SNX31: variants seen among roughly 807,000 people sequenced by gnomAD.
The protein encoded by SNX31 is sorting nexin-31.
A neutral mutation model predicts 65.4 loss-of-function variants in SNX31; 58 were observed. The observed-to-expected ratio is 0.89, with a 90% confidence interval of 0.72 to 1.10. The LOEUF is 1.10. SNX31 is among the 50% of genes least tolerant of loss of function. The pLI is 0.00. For missense variants in SNX31, 523 were observed against 529.7 expected (o/e 0.99, Z 0.12); for synonymous variants, 181 against 190.1 (o/e 0.95, Z 0.39).
chr8:100,646,205 A>T (rs1041622545), intron 2 of SNX31, among the ~76,000 whole-genome samples: 3 of 152,194 alleles, frequency 2.0e-5, no homozygotes, highest in African/African-American at 7.2e-5. Context: ...ACAAAATAAA[A>T]GATCTCAAAG....
chr8:100,627,117 G>C (rs190496616), intron 4 of SNX31, among the ~76,000 whole-genome samples: 12 of 152,330 alleles, frequency 7.9e-5, no homozygotes, highest in African/African-American at 2.6e-4. Context: ...ACTTTGGGAG[G>C]CTGAGGCGGG....
At chr8:100,611,300 G>C (rs988623220) in intron 7 of SNX31, among the ~76,000 whole-genome samples, 1 of 152,134 alleles carries the variant, frequency 6.6e-6, no homozygotes, top group African/African-American at 2.4e-5. Context: ...GTGATGCATT[G>C]CAAAGCAAAC....
intron 4 of SNX31, among the ~76,000 whole-genome samples, chr8:100,624,379 T>A (rs1283019331): frequency 6.6e-6 from 1 of 152,224 alleles, no homozygotes; most frequent in Non-Finnish European, 1.5e-5. Flanking sequence ...GATTTGAAAG[T>A]CATTGCCTCT....
intron 2 of SNX31, among the ~76,000 whole-genome samples, chr8:100,645,926 A>G (rs1195406548): frequency 6.6e-6 from 1 of 152,090 alleles, no homozygotes; most frequent in South Asian, 2.1e-4. Context: ...CTCTTTACCT[A>G]TAAAATGAGA....
At position 100,629,252 on chromosome 8, in the gene SNX31, A is replaced by G. The variant is rs1818263782; in HGVS notation, c.321+1075T>C. On this transcript the variant is annotated intron_variant, in intron 4 of 13. Coordinates refer to ENST00000311812, the MANE Select transcript of SNX31 (RefSeq NM_152628.4). This position sits in a 1 kb window ranked among gnomAD's most constrained non-coding sequence, Gnocchi z 5.1. ...AAAGAGCACTATAAACTATTAGACT[A>G]TACACAACAGTTGTCACTGAGGAGG... Among the ~76,000 whole-genome samples the G allele has an allele frequency of 6.6e-6, 1 of 152,228 alleles. No homozygotes were observed. Among genetic ancestry groups the G allele is most frequent in the African/African-American group, 2.4e-5 (1 of 41,458 alleles).
intron 13 of SNX31, among the ~76,000 whole-genome samples, chr8:100,574,569 G>A (rs1341216001): frequency 6.7e-6 from 1 of 149,370 alleles, no homozygotes; most frequent in African/African-American, 2.5e-5. Context: ...GGAGGCAGAG[G>A]TTTCAGTGAG....
upstream of SNX31, among the ~76,000 whole-genome samples, chr8:100,654,559 C>T (rs3016890): frequency 0.6 from 91,402 of 152,098 alleles, 29,055 homozygotes; most frequent in African/African-American, 0.81. Flanking sequence ...ATCAGGAAAA[C>T]ACCACTCTAT....
In SNX31 at chr8:100,594,996, A is replaced by G. The variant is rs545420608; in HGVS notation, c.978+1643T>C. 6.6e-6 allele frequency among the ~76,000 whole-genome samples: 1 copy of G among 152,352 alleles called. No homozygotes were observed. Among genetic ancestry groups the G allele is most frequent in the East Asian group, 1.9e-4 (1 of 5,192 alleles). On this transcript the variant is annotated intron_variant, in intron 10 of 13. Transcript: ENST00000311812. This position sits in a 1 kb window ranked among gnomAD's most constrained non-coding sequence, Gnocchi z 4.0. ...AGACAAACTACTGATATAGTCAGCAACCTGAATGAACTTCCAACAAATTAT... is the reference window on the plus strand; with the variant it reads ...AGACAAACTACTGATATAGTCAGCAGCCTGAATGAACTTCCAACAAATTAT...
intron 12 of SNX31, among the ~76,000 whole-genome samples, chr8:100,583,252 A>G (rs2977868): frequency 0.47 from 70,703 of 151,092 alleles, 18,895 homozygotes; most frequent in African/African-American, 0.74. Context: ...GACTACAGGT[A>G]CCCACCACCA....
Position 100,578,720 on chromosome 8 carries a change from T to G in SNX31, c.1171-1645A>C, listed in dbSNP as rs1488783945. On this transcript the variant is annotated intron_variant, in intron 12 of 13. Transcript: ENST00000311812. The surrounding 1 kb of genome is among the most constrained non-coding windows in gnomAD (Gnocchi z 4.7). ...TTTTATTTTATTTTATTTTATTTTA[T>G]TTTATTTTATTATTATTTTGAGACA... Among the ~76,000 whole-genome samples, 1 of 151,392 alleles carries G rather than the reference T, an allele frequency of 6.6e-6. No individual in the cohort carries two copies. Among genetic ancestry groups the G allele is most frequent in the Non-Finnish European group, 1.5e-5 (1 of 67,878 alleles).
In SNX31 at chr8:100,649,532, G is replaced by C. The variant is rs1162999299; in HGVS notation, c.-18C>G. 2.6e-6 allele frequency: 4 copies of C among 1,557,904 alleles called. No homozygotes were observed. Among genetic ancestry groups the C allele is most frequent in the South Asian group, 2.4e-5 (2 of 84,618 alleles). ...ATCTTCATGGCTGAGCGGTGTCTTGGGAGTAGCGCTGGGAACCCGACCTGC... is the reference window on the plus strand; with the variant it reads ...ATCTTCATGGCTGAGCGGTGTCTTGCGAGTAGCGCTGGGAACCCGACCTGC... On this transcript the variant is annotated 5_prime_UTR_variant, in exon 1 of 14. Transcript: ENST00000311812.
At chr8:100,662,558 G>A (rs761030203) in intron 1 of SNX31, among the ~76,000 whole-genome samples, 12 of 152,166 alleles carry the variant, frequency 7.9e-5, no homozygotes, top group Non-Finnish European at 4.4e-5. Flanking sequence ...TTAGCCAGGC[G>A]TTGTGGCAGG....
At position 100,608,544 on chromosome 8, in the gene SNX31, C is replaced by T. The variant is rs201556002; in HGVS notation, c.631G>A (p.Asp211Asn). The T allele has an allele frequency of 1.7e-5, 28 of 1,613,932 alleles. No homozygotes were observed. The highest frequency in any genetic ancestry group is 1.7e-4 in the Middle Eastern group (1 of 6,060). ...LRKWYMAPSL[D>N]SVLMDCRVAV... ...ACCCTGCAGTCCATCAGCACGGAGT[C>T]GAGGGATGGAGCCATATACCTGCAA... Residue 211 changes from aspartate (D) to asparagine (N), a missense_variant, in exon 8 of 14, where the codon GAC becomes AAC. Coordinates refer to ENST00000311812, the MANE Select transcript of SNX31 (RefSeq NM_152628.4).
At chr8:100,653,944 T>C (rs1265843036), upstream of SNX31, among the ~76,000 whole-genome samples, 3 of 152,196 alleles carry the variant, frequency 2.0e-5, no homozygotes, top group Non-Finnish European at 4.4e-5. Context: ...CAGACATAAC[T>C]CTGTGTAACA....
chr8:100,649,128 C>T (rs1330216800), intron 2 of SNX31, 146 bp downstream of exon 2: 3 of 722,462 alleles, frequency 4.2e-6, no homozygotes, highest in African/African-American at 3.5e-5. Context: ...TCAGTTCATC[C>T]TTACCAGGAC....
rs57059120 is a variant in SNX31 at position 100,578,076 on chromosome 8, CCTGGG to C, written c.1171-1006_1171-1002del. Among the ~76,000 whole-genome samples, 4,273 of 152,268 alleles carry C rather than the reference CCTGGG, an allele frequency of 0.028. 216 individuals carry two copies. The highest frequency in any genetic ancestry group is 0.097 in the African/African-American group (4,008 of 41,518). On this transcript the variant is annotated intron_variant, in intron 12 of 13. Coordinates refer to ENST00000311812, the MANE Select transcript of SNX31 (RefSeq NM_152628.4). The surrounding 1 kb of genome is among the most constrained non-coding windows in gnomAD (Gnocchi z 4.7). The stretch of plus-strand genomic sequence containing the variant: ...TGCATTAGGCCACATTCAGACATGT[CCTGGG>C]CTGCATGCAGCCCGCAGGCTGTGGG...
chr8:100,632,573 A>G (rs1462253042), intron 3 of SNX31, among the ~76,000 whole-genome samples: 1 of 151,966 alleles, frequency 6.6e-6, no homozygotes, highest in Admixed American at 6.6e-5. Context: ...CAGGAGAAAA[A>G]CCCTTTTTCT....
At chr8:100,644,651 G>A (rs1819504442) in intron 2 of SNX31, among the ~76,000 whole-genome samples, 2 of 152,092 alleles carry the variant, frequency 1.3e-5, no homozygotes, top group African/African-American at 4.8e-5. Context: ...TCTTCCCAAG[G>A]TCCAGCTTTT....
rs1050177687 is a variant in SNX31, at chr8:100,609,830, C to T, written c.612-1267G>A. 6.6e-6 allele frequency among the ~76,000 whole-genome samples: 1 copy of T among 152,200 alleles called. No homozygotes were observed. The highest frequency in any genetic ancestry group is 2.4e-5 in the African/African-American group (1 of 41,448). On this transcript the variant is annotated intron_variant, in intron 7 of 13. Transcript: ENST00000311812. This position sits in a 1 kb window ranked among gnomAD's most constrained non-coding sequence, Gnocchi z 4.9. ...GTGCAGAGAATAGACCCATCCCAGA[C>T]TGGGGCTCCCACAGGCCAGCACAGG... is the stretch of plus-strand genomic sequence containing the variant.
Sources: gnomAD v4.1 joint callset for allele counts (sites outside exome capture counted in the v4.1 genomes callset) on GRCh38, gnomAD v4.1.1 for gene constraint, Gnocchi (gnomAD v3.1) non-coding constraint, MANE v1.5 for transcripts, NCBI Gene and HGNC (gene_info 2026-07-23, HGNC 2026-07-21) for gene names.